The following RAC1 variants were observed in gnomAD, a reference collection of about 807,000 sequenced individuals.
The protein encoded by RAC1 is Rac family small GTPase 1.
A neutral mutation model predicts 25.2 loss-of-function variants in RAC1; 2 were observed. That is an observed-to-expected ratio of 0.08 (90% CI 0.03 to 0.25). RAC1 has a LOEUF of 0.25. Ranked by LOEUF, RAC1 falls within the 10% of genes least tolerant of loss-of-function variation. The probability of loss-of-function intolerance (pLI) is 1.00; values close to 1 mark genes in which losing one functional copy is unlikely to be tolerated. For synonymous variants in RAC1, 88 were observed against 94.0 expected (o/e 0.94, Z 0.37); for missense variants, 50 against 235.7 (o/e 0.21, Z 5.16).
intron 3 of RAC1, 189 bp from the exon 4 acceptor site, chr7:6,399,937 C>T (rs1245737373): frequency 3.4e-6 from 2 of 594,074 alleles, no homozygotes; most frequent in Non-Finnish European, 6.0e-6. Flanking sequence ...TAACTGGTGG[C>T]TTGACATGCT....
Position 6,400,133 on chromosome 7 carries a change from T to A in RAC1, c.233T>A (p.Phe78Tyr). The change falls in exon 4 of 6, where the codon TTC (phenylalanine) becomes TAC (tyrosine). Residue 78 changes from phenylalanine (F) to tyrosine (Y), a missense_variant. By Grantham distance (22) the Phe-to-Tyr change is conservative. Transcript: ENST00000348035. ...TGTGTTTCCTTTTTGTAGGATGTGT[T>A]CTTAATTTGCTTTTCCCTTGTGAGT... Reference protein sequence around the residue: ...RPLSYPQTDVFLICFSLVSPA... With the variant: ...RPLSYPQTDVYLICFSLVSPA... The A allele has an allele frequency of 1.2e-6, 2 of 1,611,354 alleles. No individual in the cohort carries two copies. Among genetic ancestry groups the A allele is most frequent in the Non-Finnish European group, 1.7e-6 (2 of 1,178,046 alleles).
rs1490425151 is a variant in RAC1, at chr7:6,403,362, C to A, written c.*916C>A. The stretch of plus-strand genomic sequence containing the variant: ...GCCTCCCCAAATTGGGCATTTAATT[C>A]ATCTTTAAACTGGTTGTTCTGTTAG... On this transcript the variant is annotated 3_prime_UTR_variant, in exon 6 of 6. Coordinates refer to ENST00000348035, the MANE Select transcript of RAC1 (RefSeq NM_006908.5). The A allele has an allele frequency of 9.5e-6, 2 of 210,598 alleles. No individual in the cohort carries two copies. Among genetic ancestry groups the A allele is most frequent in the East Asian group, 1.4e-4 (2 of 13,806 alleles). The allele number at this position is 210,598 out of a possible 1,614,324, so 13.0% of individuals were successfully genotyped here.
At chr7:6,383,404 A>G (rs1398637405) in intron 1 of RAC1, among the ~76,000 whole-genome samples, 1 of 147,326 alleles carries the variant, frequency 6.8e-6, no homozygotes, top group Non-Finnish European at 1.5e-5. Context: ...TTATCTTTTG[A>G]TTGCACTAAG....
intron 2 of RAC1, among the ~76,000 whole-genome samples, chr7:6,389,564 C>T (rs973677491): frequency 2.0e-5 from 3 of 151,976 alleles, no homozygotes; most frequent in Non-Finnish European, 4.4e-5. Flanking sequence ...ACTATAATCC[C>T]AGCTATTCGG....
intron 2 of RAC1, among the ~76,000 whole-genome samples, chr7:6,390,456 C>A (rs545386547): frequency 6.6e-6 from 1 of 151,636 alleles, no homozygotes; most frequent in Admixed American, 6.6e-5. Flanking sequence ...AAAAATTAAC[C>A]GGGCATGGTG....
chr7:6,401,285 C>G (rs1783393618), intron 4 of RAC1, among the ~76,000 whole-genome samples: 2 of 152,172 alleles, frequency 1.3e-5, no homozygotes, highest in African/African-American at 4.8e-5. Context: ...GCTTCAGGTT[C>G]TGGTTCAGAA....
intron 1 of RAC1, among the ~76,000 whole-genome samples, chr7:6,381,572 T>TTTA (rs2115186328): frequency 6.7e-6 from 1 of 149,258 alleles, no homozygotes; most frequent in East Asian, 2.0e-4. Context: ...TCTTTTGTAT[T>TTTA]TTAGTAGAGA....
chr7:6,389,402 TAAA>T (rs1002912826), intron 2 of RAC1, among the ~76,000 whole-genome samples: 11 of 151,452 alleles, frequency 7.3e-5, no homozygotes, highest in Non-Finnish European at 1.0e-4. Flanking sequence ...TTTTTTTAAT[TAAA>T]AAAGTTTGCT....
At chr7:6,382,776 G>A (rs868532838) in intron 1 of RAC1, among the ~76,000 whole-genome samples, 3 of 152,226 alleles carry the variant, frequency 2.0e-5, no homozygotes, top group Non-Finnish European at 4.4e-5. Flanking sequence ...GGGAGGCTGA[G>A]GCAGGAGAAT....
intron 2 of RAC1, among the ~76,000 whole-genome samples, chr7:6,389,981 T>A (rs562402792): frequency 1.7e-5 from 2 of 118,736 alleles, no homozygotes; most frequent in South Asian, 6.6e-4. Flanking sequence ...CTTTCTTCCC[T>A]CCCTCCTCCT....
At chr7:6,402,180 G>A (rs955634942) in intron 5 of RAC1, 136 bp from the exon 6 acceptor site, 28 of 1,456,112 alleles carry the variant, frequency 1.9e-5, no homozygotes, top group African/African-American at 1.6e-4. Context: ...GGGTCTTAAC[G>A]TCAGCGTTGG....
chr7:6,387,821 G>A (rs575723352), intron 2 of RAC1, among the ~76,000 whole-genome samples: 1 of 152,256 alleles, frequency 6.6e-6, no homozygotes, highest in Admixed American at 6.5e-5. Flanking sequence ...TTAACTGTCT[G>A]TGAGGTACAG....
chr7:6,374,824 G>A (rs1194473910), intron 1 of RAC1, 54 bp downstream of exon 1: 3 of 1,080,454 alleles, frequency 2.8e-6, no homozygotes, highest in Non-Finnish European at 1.1e-6. Context: ...CGCGGAGGGG[G>A]GTTGGGCCCG....
chr7:6,382,795 C>A (rs1782808043), intron 1 of RAC1, among the ~76,000 whole-genome samples: 3 of 152,212 alleles, frequency 2.0e-5, no homozygotes, highest in African/African-American at 4.8e-5. Context: ...ATTGTTCGAA[C>A]CCAGCAGGCA....
At chr7:6,383,784 C>CTTTTTTT (rs34847745) in intron 1 of RAC1, among the ~76,000 whole-genome samples, 731 of 39,840 alleles carry the variant, frequency 0.018, 28 homozygotes, top group East Asian at 0.046. Context: ...CAACCTTTAT[C>CTTTTTTT]TTTTTTTTTT....
chr7:6,400,231 C>A, intron 4 of RAC1, 43 bp downstream of exon 4: 1 of 1,501,450 alleles, frequency 6.7e-7, no homozygotes, highest in Non-Finnish European at 9.3e-7. Flanking sequence ...ATAGAATGAT[C>A]CTCTCAGAAA....
At chr7:6,391,826 C>T (rs3729793) in intron 2 of RAC1, 98 bp from the exon 3 acceptor site, 14 of 1,579,308 alleles carry the variant, frequency 8.9e-6, no homozygotes, top group East Asian at 2.3e-5. Flanking sequence ...CCTCCAGGCC[C>T]GTCCCCAGCC....
chr7:6,395,884 C>T (rs1228871327), intron 3 of RAC1, among the ~76,000 whole-genome samples: 1 of 152,216 alleles, frequency 6.6e-6, no homozygotes, highest in African/African-American at 2.4e-5. Flanking sequence ...GAAGTAGAAA[C>T]AACACTACTT....
At position 6,391,889 on chromosome 7, in the gene RAC1, C is replaced by T. The variant is rs1783102662; in HGVS notation, c.108-35C>T. 3.7e-6 allele frequency: 6 copies of T among 1,613,668 alleles called. No individual in the cohort carries two copies. In the South Asian group the frequency reaches 6.6e-5, roughly 18 times the overall value. ...GGCTGGGACAGTGACTTAGCTTCTACACCTGTGACTAACCATTTTCATTCC... is the reference window on the plus strand; with the variant it reads ...GGCTGGGACAGTGACTTAGCTTCTATACCTGTGACTAACCATTTTCATTCC... On this transcript the variant is annotated intron_variant, in intron 2 of 5. Coordinates refer to ENST00000348035, the MANE Select transcript of RAC1 (RefSeq NM_006908.5).
Sources: gnomAD v4.1 joint callset for allele counts (sites outside exome capture counted in the v4.1 genomes callset) on GRCh38, gnomAD v4.1.1 for gene constraint, MANE v1.5 for transcripts, NCBI Gene and HGNC (gene_info 2026-07-23, HGNC 2026-07-21) for gene names.